PCLO: variants seen among roughly 807,000 people sequenced by gnomAD.
PCLO encodes the protein piccolo presynaptic cytomatrix protein, also known as protein piccolo.
In PCLO, 82 loss-of-function variants were observed where a neutral mutation model predicts 427.5. That is an observed-to-expected ratio of 0.19 (90% CI 0.16 to 0.23). The LOEUF is 0.23. Among genes scored for constraint, PCLO ranks in the 10% least tolerant of loss-of-function variants. The pLI is 1.00. For synonymous variants in PCLO, 2,357 were observed against 2,155.4 expected (o/e 1.09, Z -2.59); for missense variants, 6,239 against 6,115.9 (o/e 1.02, Z -0.67).
chr7:83,114,719 T>C (rs889956154), intron 3 of PCLO, among the ~76,000 whole-genome samples: 2 of 152,058 alleles, frequency 1.3e-5, no homozygotes, highest in Admixed American at 6.6e-5. Flanking sequence ...TCAGATTGCA[T>C]TGGGCCCATT....
chr7:83,010,396 G>A (rs2080357412), intron 3 of PCLO, among the ~76,000 whole-genome samples: 1 of 151,400 alleles, frequency 6.6e-6, no homozygotes. Context: ...AAAATCAAAT[G>A]TATTGAATAG....
intron 22 of PCLO, among the ~76,000 whole-genome samples, chr7:82,771,168 T>A (rs1267597225): frequency 1.3e-5 from 2 of 151,966 alleles, no homozygotes; most frequent in East Asian, 3.9e-4. Flanking sequence ...ATTAGCCTGC[T>A]TATACAATGA....
chr7:82,808,116 ACT>A (rs1444086031), intron 20 of PCLO, among the ~76,000 whole-genome samples: 2 of 151,976 alleles, frequency 1.3e-5, no homozygotes, highest in Admixed American at 1.3e-4. Context: ...AAGCTGTCAT[ACT>A]TTTTGATGGG....
At chr7:83,064,093 TG>T (rs1286328582) in intron 3 of PCLO, among the ~76,000 whole-genome samples, 2 of 152,162 alleles carry the variant, frequency 1.3e-5, no homozygotes, top group East Asian at 3.9e-4. Context: ...TGAATAAATG[TG>T]CTTTCTGAAA....
chr7:82,878,727 C>T (rs1311449086), intron 10 of PCLO, among the ~76,000 whole-genome samples: 1 of 152,126 alleles, frequency 6.6e-6, no homozygotes, highest in East Asian at 1.9e-4. Context: ...ATAGACCACA[C>T]CTAGTACAGG....
intron 3 of PCLO, among the ~76,000 whole-genome samples, chr7:83,014,021 C>G (rs1788148930): frequency 6.6e-6 from 1 of 152,088 alleles, no homozygotes; most frequent in Non-Finnish European, 1.5e-5. Flanking sequence ...AGAAAACAAG[C>G]AACTGATGGT....
intron 19 of PCLO, among the ~76,000 whole-genome samples, chr7:82,822,978 C>T: frequency 6.6e-6 from 1 of 152,114 alleles, no homozygotes; most frequent in Non-Finnish European, 1.5e-5. Flanking sequence ...TCACCAAGCA[C>T]CTCTGCTAAT....
chr7:82,814,351 G>A (rs976299107), intron 20 of PCLO, among the ~76,000 whole-genome samples: 1 of 151,572 alleles, frequency 6.6e-6, no homozygotes, highest in African/African-American at 2.4e-5. Flanking sequence ...AGACAAACAT[G>A]ATAAACATGT....
intron 6 of PCLO, among the ~76,000 whole-genome samples, chr7:82,932,322 T>G (rs2116343603): frequency 6.6e-6 from 1 of 152,202 alleles, no homozygotes; most frequent in Middle Eastern, 3.4e-3. Flanking sequence ...TGGGATAAAT[T>G]ACAGTAATAG....
At chr7:82,783,418 T>C (rs979074008) in intron 22 of PCLO, among the ~76,000 whole-genome samples, 4 of 151,988 alleles carry the variant, frequency 2.6e-5, no homozygotes, top group Non-Finnish European at 4.4e-5. Context: ...ATCGAGACCA[T>C]CCCGGCTAAC....
At chr7:82,850,009 A>AT (rs542068943) in intron 10 of PCLO, among the ~76,000 whole-genome samples, 2,570 of 63,480 alleles carry the variant, frequency 0.04, 82 homozygotes, top group African/African-American at 0.085. Flanking sequence ...TATTATTATT[A>AT]TTATTTATTT....
At chr7:82,825,840 T>C (rs1791928180) in intron 18 of PCLO, among the ~76,000 whole-genome samples, 1 of 148,082 alleles carries the variant, frequency 6.8e-6, no homozygotes, top group African/African-American at 2.5e-5. Context: ...ATATAACATA[T>C]AATGTAAATG....
At chr7:82,794,803 T>C (rs1390288379) in intron 22 of PCLO, among the ~76,000 whole-genome samples, 1 of 152,056 alleles carries the variant, frequency 6.6e-6, no homozygotes, top group Non-Finnish European at 1.5e-5. Context: ...ACCTTGTTTG[T>C]TCTTGTTTGT....
intron 3 of PCLO, among the ~76,000 whole-genome samples, chr7:83,068,349 C>G (rs1789720812): frequency 6.6e-6 from 1 of 151,928 alleles, no homozygotes; most frequent in African/African-American, 2.4e-5. Flanking sequence ...TATTTGCAAA[C>G]CACATATTTT....
intron 3 of PCLO, among the ~76,000 whole-genome samples, chr7:82,979,996 C>A (rs1042149061): frequency 6.6e-6 from 1 of 152,086 alleles, no homozygotes; most frequent in African/African-American, 2.4e-5. Context: ...CTGATGGATC[C>A]TAACAACCAG....
chr7:82,969,796 C>T (rs1378771013), intron 3 of PCLO, among the ~76,000 whole-genome samples: 1 of 151,886 alleles, frequency 6.6e-6, no homozygotes, highest in African/African-American at 2.4e-5. Context: ...GTTAAATATG[C>T]AGTAAAAACA....
At chr7:82,835,065 C>T (rs111979339) in intron 16 of PCLO, among the ~76,000 whole-genome samples, 3,321 of 152,098 alleles carry the variant, frequency 0.022, 122 homozygotes, top group African/African-American at 0.076. Flanking sequence ...CTGCCTCAGC[C>T]TCCCAAGTAG....
chr7:82,813,184 A>G (rs1016156953), intron 20 of PCLO, among the ~76,000 whole-genome samples: 1 of 151,696 alleles, frequency 6.6e-6, no homozygotes, highest in Non-Finnish European at 1.5e-5. Flanking sequence ...ATGGCCACGA[A>G]GTAAAGAGGA....
At chr7:82,773,900 C>A (rs1204638719) in intron 22 of PCLO, among the ~76,000 whole-genome samples, 1 of 152,122 alleles carries the variant, frequency 6.6e-6, no homozygotes, top group East Asian at 1.9e-4. Flanking sequence ...CCCAGGGTAC[C>A]TATATCCTTC....
Sources: gnomAD v4.1 joint callset for allele counts (sites outside exome capture counted in the v4.1 genomes callset) on GRCh38, gnomAD v4.1.1 for gene constraint, MANE v1.5 for transcripts, NCBI Gene and HGNC (gene_info 2026-07-23, HGNC 2026-07-21) for gene names.